LRIG1: variants seen among roughly 807,000 people sequenced by gnomAD.
LRIG1 encodes the protein leucine-rich repeats and immunoglobulin-like domains protein 1.
A neutral mutation model predicts 99.2 loss-of-function variants in LRIG1; 48 were observed. The ratio of observed to expected loss-of-function variants is 0.48; its 90% confidence interval spans 0.38 to 0.62. LRIG1 has a LOEUF of 0.62. LRIG1 is among the 20% of genes least tolerant of loss of function. The pLI is 0.00. For missense variants in LRIG1, 1,646 were observed against 1,434.4 expected (o/e 1.15, Z -2.38); for synonymous variants, 772 against 596.1 (o/e 1.29, Z -4.30).
At chr3:66,471,787 T>C (rs993606731) in intron 1 of LRIG1, among the ~76,000 whole-genome samples, 6 of 152,288 alleles carry the variant, frequency 3.9e-5, no homozygotes, top group African/African-American at 1.4e-4. Flanking sequence ...ATTAACCTGG[T>C]GGATACATTT....
chr3:66,494,719 T>C (rs1218717372), intron 1 of LRIG1, among the ~76,000 whole-genome samples: 1 of 152,226 alleles, frequency 6.6e-6, no homozygotes, highest in African/African-American at 2.4e-5. Flanking sequence ...TTCACAAGCA[T>C]ACCCACCACC....
intron 1 of LRIG1, among the ~76,000 whole-genome samples, chr3:66,471,359 C>A (rs1315650666): frequency 1.0e-5 from 1 of 99,420 alleles, no homozygotes; most frequent in African/African-American, 2.6e-5. Flanking sequence ...GCAAACTCAT[C>A]ACCTGCACAA....
intron 18 of LRIG1, 37 bp from the exon 19 acceptor site, chr3:66,380,526 G>A (rs1193267719): frequency 1.2e-6 from 2 of 1,613,800 alleles, no homozygotes; most frequent in South Asian, 2.2e-5. Flanking sequence ...ACCCCCACTT[G>A]ACCGTTTAAG....
At chr3:66,461,116 G>A (rs1700344890) in intron 2 of LRIG1, among the ~76,000 whole-genome samples, 1 of 152,136 alleles carries the variant, frequency 6.6e-6, no homozygotes, top group Non-Finnish European at 1.5e-5. Context: ...TTCAAGACCA[G>A]CCTGACCAAC....
At position 66,417,264 on chromosome 3, in the gene LRIG1, T is replaced by C; in HGVS notation, c.368A>G (p.Gln123Arg). ...ASSHVVSLFL[Q>R]HNKIRSVEGS... Reference sequence around the variant, plus strand: ...CTCCACGCTGCGAATCTTGTTGTGCTGCCTGAAACACAACAAGGGAGGTGA... The same window carrying C: ...CTCCACGCTGCGAATCTTGTTGTGCCGCCTGAAACACAACAAGGGAGGTGA... The change falls in exon 4 of 19, where the codon CAG becomes CGG. Residue 123 changes from glutamine (Q) to arginine (R), a missense_variant and splice_region_variant. Transcript: ENST00000273261. The C allele has an allele frequency of 6.2e-7, 1 of 1,613,306 alleles. No homozygotes were observed.
intron 1 of LRIG1, among the ~76,000 whole-genome samples, chr3:66,475,711 A>T (rs1387479499): frequency 6.6e-6 from 1 of 152,114 alleles, no homozygotes; most frequent in Non-Finnish European, 1.5e-5. Flanking sequence ...AAAACCATCC[A>T]CTCTCAAAGA....
chr3:66,409,074 C>G (rs1702377759), intron 7 of LRIG1, among the ~76,000 whole-genome samples: 1 of 151,888 alleles, frequency 6.6e-6, no homozygotes. Flanking sequence ...CACGCATCCC[C>G]TTGAGTTTGC....
intron 9 of LRIG1, among the ~76,000 whole-genome samples, chr3:66,404,971 T>G (rs933029928): frequency 3.3e-5 from 5 of 152,310 alleles, no homozygotes; most frequent in South Asian, 4.1e-4. Context: ...AACGCCGGGT[T>G]GCCAGCCCCC....
intron 1 of LRIG1, among the ~76,000 whole-genome samples, chr3:66,489,787 G>A (rs564804698): frequency 6.6e-5 from 10 of 152,226 alleles, no homozygotes; most frequent in African/African-American, 2.2e-4. Context: ...AAACCCCAAC[G>A]TCTCCTGAGG....
In LRIG1 at chr3:66,385,513, AGTGATCTCGGCTCACTGCAAC is replaced by A. The variant is rs1239551223; in HGVS notation, c.1789+447_1789+467del. On this transcript the variant is annotated intron_variant, in intron 13 of 18. Coordinates refer to ENST00000273261, the MANE Select transcript of LRIG1 (RefSeq NM_015541.3). ...TGACACCCAGGCTGGAATGCAGTGGAGTGATCTCGGCTCACTGCAACGTCCACCTCCTGGGTTCAAGCAATT... is the reference window on the plus strand; with the variant it reads ...TGACACCCAGGCTGGAATGCAGTGGAGTCCACCTCCTGGGTTCAAGCAATT... Among the ~76,000 whole-genome samples, 56 of 152,296 alleles carry A rather than the reference AGTGATCTCGGCTCACTGCAAC, an allele frequency of 3.7e-4. 1 individual carries two copies. Among genetic ancestry groups the A allele is most frequent in the South Asian group, 8.3e-4 (4 of 4,818 alleles).
intron 1 of LRIG1, among the ~76,000 whole-genome samples, chr3:66,494,721 C>T (rs1470899108): frequency 6.6e-6 from 1 of 152,114 alleles, no homozygotes; most frequent in Non-Finnish European, 1.5e-5. Context: ...CACAAGCATA[C>T]CCACCACCCC....
At chr3:66,418,852 A>G (rs769731399) in intron 3 of LRIG1, among the ~76,000 whole-genome samples, 1 of 151,748 alleles carries the variant, frequency 6.6e-6, no homozygotes, top group African/African-American at 2.4e-5. Flanking sequence ...TCGAAAGTCC[A>G]TTTCCAAGGG....
chr3:66,395,770 G>A (rs1028257446), intron 11 of LRIG1, among the ~76,000 whole-genome samples: 1 of 152,194 alleles, frequency 6.6e-6, no homozygotes, highest in Non-Finnish European at 1.5e-5. Context: ...TCCCAGGAGT[G>A]CACCCTGCAT....
chr3:66,431,708 A>AC (rs1384896006), intron 3 of LRIG1, among the ~76,000 whole-genome samples: 1 of 152,148 alleles, frequency 6.6e-6, no homozygotes, highest in East Asian at 1.9e-4. Context: ...AAAAAATGGA[A>AC]CCACTGTTGA....
intron 12 of LRIG1, among the ~76,000 whole-genome samples, chr3:66,388,912 A>G (rs1278538603): frequency 6.6e-6 from 1 of 152,192 alleles, no homozygotes; most frequent in African/African-American, 2.4e-5. Context: ...ACTCCAATCC[A>G]CACCAAGAAA....
At chr3:66,479,104 T>C (rs999426131) in intron 1 of LRIG1, among the ~76,000 whole-genome samples, 1 of 152,222 alleles carries the variant, frequency 6.6e-6, no homozygotes, top group South Asian at 2.1e-4. Context: ...CACCTCCCTA[T>C]TGTAAACCTG....
chr3:66,422,606 A>G (rs1285585575), intron 3 of LRIG1, among the ~76,000 whole-genome samples: 4 of 152,174 alleles, frequency 2.6e-5, no homozygotes, highest in Admixed American at 6.5e-5. Context: ...CCATTCAACA[A>G]GTCTCTAGGA....
intron 1 of LRIG1, among the ~76,000 whole-genome samples, chr3:66,487,703 C>G (rs183895675): frequency 6.6e-6 from 1 of 152,182 alleles, no homozygotes; most frequent in East Asian, 1.9e-4. Context: ...AGAACGAGAC[C>G]AAGTGAGTAA....
At chr3:66,434,048 G>A (rs987696218) in intron 3 of LRIG1, among the ~76,000 whole-genome samples, 4 of 152,184 alleles carry the variant, frequency 2.6e-5, no homozygotes, top group East Asian at 1.9e-4. Flanking sequence ...TAGACCTGAC[G>A]CTAAAAGCAC....
Sources: allele counts gnomAD v4.1 joint callset (sites outside exome capture counted in the v4.1 genomes callset), GRCh38; gene constraint gnomAD v4.1.1; transcripts MANE v1.5; gene names NCBI Gene and HGNC (gene_info 2026-07-23, HGNC 2026-07-21).